OPN3: variants seen among roughly 807,000 people sequenced by gnomAD.
OPN3 encodes the protein opsin 3, also known as opsin-3.
In OPN3, 29 loss-of-function variants were observed where a neutral mutation model predicts 33.8. The ratio of observed to expected loss-of-function variants is 0.86; its 90% confidence interval spans 0.64 to 1.17. The LOEUF is 1.17. Ranked by LOEUF, OPN3 falls within the 50% of genes most tolerant of loss-of-function variation. The pLI is 0.00. For synonymous variants in OPN3, 216 were observed against 216.1 expected (o/e 1.00, Z 0.00); for missense variants, 437 against 514.1 (o/e 0.85, Z 1.45).
rs749456653 is a variant in OPN3, at chr1:241,604,401, G to A, written c.552C>T (p.His184=). 1.6e-5 allele frequency: 26 copies of A among 1,614,036 alleles called. No homozygotes were observed. Among genetic ancestry groups the A allele is most frequent in the African/African-American group, 5.3e-5 (4 of 74,916 alleles). ...TCCAGTCCACAGTGCAGCCTAGTCC[G>A]TGTACGTCCAGGATGTACCTGTTCC... ...LGWNRYILDV[H]GLGCTVDWKS... is the part of the protein sequence containing the mutation. Residue 184 remains histidine (H), a synonymous_variant, in exon 2 of 4, where the codon CAC becomes CAT. Transcript: ENST00000366554.
intron 2 of OPN3, among the ~76,000 whole-genome samples, chr1:241,599,627 C>T (rs996915125): frequency 6.6e-6 from 1 of 152,036 alleles, no homozygotes; most frequent in Non-Finnish European, 1.5e-5. Flanking sequence ...ATTTTCAAAA[C>T]ATCATTTTGG....
intron 1 of OPN3, 24 bp from the exon 2 acceptor site, chr1:241,604,603 G>C: frequency 6.3e-7 from 1 of 1,591,468 alleles, no homozygotes; most frequent in South Asian, 1.1e-5. Context: ...AAGTGGAAAA[G>C]TATAGCATGG....
chr1:241,608,247 T>C (rs1663893567), intron 1 of OPN3, among the ~76,000 whole-genome samples: 1 of 152,198 alleles, frequency 6.6e-6, no homozygotes, highest in South Asian at 2.1e-4. Context: ...TCAATGTACC[T>C]TAGAGAGGAA....
chr1:241,594,651 A>G lies in OPN3; in HGVS notation c.986T>C (p.Leu329Pro), dbSNP rs1238935720. ...GTCTTTAGCAGGCCTCTGGCACCTC[A>G]GCAGTCGGAGGCACAGAAGCTGCAA... ...SLLQLLCLRLLRCQRPAKDLP... is the reference protein window; with the variant it reads ...SLLQLLCLRLPRCQRPAKDLP... Residue 329 changes from leucine (L) to proline (P), a missense_variant, in exon 4 of 4, where the codon CTG (leucine) becomes CCG (proline). Transcript: ENST00000366554. 6.2e-7 allele frequency: 1 copy of G among 1,614,090 alleles called. No homozygotes were observed. Among genetic ancestry groups the G allele is most frequent in the South Asian group, 1.1e-5 (1 of 91,078 alleles).
At chr1:241,596,420 T>C (rs1663511790) in intron 3 of OPN3, among the ~76,000 whole-genome samples, 1 of 152,030 alleles carries the variant, frequency 6.6e-6, no homozygotes, top group Non-Finnish European at 1.5e-5. Flanking sequence ...TTAAAGGAAA[T>C]AGACCAATTG....
intron 1 of OPN3, chr1:241,629,884 C>G (rs1062226): frequency 0.12 from 18,680 of 151,994 alleles, 1,314 homozygotes; most frequent in Non-Finnish European, 0.16. Flanking sequence ...TGCTTAATAG[C>G]ATGTTTTAAG....
chr1:241,635,376 A>C, intron 1 of OPN3: 1 of 1,614,044 alleles, frequency 6.2e-7, no homozygotes, highest in Non-Finnish European at 8.5e-7. Context: ...ACTTCAGTGA[A>C]GGTATTAGAC....
intron 1 of OPN3, among the ~76,000 whole-genome samples, chr1:241,616,821 G>T (rs1470120655): frequency 2.0e-5 from 3 of 152,054 alleles, no homozygotes; most frequent in East Asian, 3.9e-4. Context: ...CAGGTCAGAA[G>T]AATGTAAAAC....
intron 2 of OPN3, among the ~76,000 whole-genome samples, chr1:241,603,057 A>C (rs1190091996): frequency 6.6e-6 from 1 of 152,174 alleles, no homozygotes; most frequent in Non-Finnish European, 1.5e-5. Context: ...AATATGCTAA[A>C]GGGAAAGGGC....
At position 241,639,886 on chromosome 1, in the gene OPN3, G is replaced by T; in HGVS notation, c.369C>A (p.Leu123=). 2 of 1,574,244 alleles carry T rather than the reference G, an allele frequency of 1.3e-6. No individual in the cohort carries two copies. The highest frequency in any genetic ancestry group is 1.7e-6 in the Non-Finnish European group (2 of 1,159,426). ...CCTTCTCCCAGTCCAACTCACCGAA[G>T]AGGCTGCCGCTAAACCCGTCCCACA... is the stretch of plus-strand genomic sequence containing the variant. ...GCVWDGFSGS[L]FGIVSIATLT... The change falls in exon 1 of 4, where the codon CTC becomes CTA. Residue 123 remains leucine (L), a synonymous_variant. Coordinates refer to ENST00000366554, the MANE Select transcript of OPN3 (RefSeq NM_014322.3).
chr1:241,624,086 T>A (rs377428663), intron 1 of OPN3, among the ~76,000 whole-genome samples: 1 of 142,330 alleles, frequency 7.0e-6, no homozygotes, highest in South Asian at 2.3e-4. Context: ...CTCCAGGCAC[T>A]GTGGACCCTC....
chr1:241,615,912 G>A (rs1310252643), intron 1 of OPN3: 2 of 456,690 alleles, frequency 4.4e-6, no homozygotes, highest in Non-Finnish European at 8.8e-6. Context: ...TTCCCTAGTG[G>A]CTGCCTGAAG....
At chr1:241,619,853 G>A (rs1052767578) in intron 1 of OPN3, among the ~76,000 whole-genome samples, 11 of 152,200 alleles carry the variant, frequency 7.2e-5, no homozygotes, top group African/African-American at 2.4e-4. Context: ...TCACCAGGCC[G>A]GTGTGTCTAA....
intron 2 of OPN3, 94 bp downstream of exon 2, chr1:241,604,166 A>T: frequency 8.7e-7 from 1 of 1,146,674 alleles, no homozygotes; most frequent in Non-Finnish European, 1.3e-6. Flanking sequence ...CTGGGCAACT[A>T]CTGATGACAT....
Position 241,634,137 on chromosome 1 carries a change from TAA to T in OPN3, c.373+5743_373+5744del, listed in dbSNP as rs1304859528. The T allele has an allele frequency of 1.9e-6, 3 of 1,613,040 alleles. No homozygotes were observed. The African/African-American group carries it at 4.0e-5, about 22-fold the overall frequency. ...AGAGCCCACAAGAGTCTTGGCTTTG[TAA>T]GTTCTTCCTCGTTTATTTCTGTTTC... On this transcript the variant is annotated intron_variant, in intron 1 of 3. Coordinates refer to ENST00000366554, the MANE Select transcript of OPN3 (RefSeq NM_014322.3).
chr1:241,612,721 C>T lies in OPN3; in HGVS notation c.374-8142G>A, dbSNP rs146798758. 7.7e-4 allele frequency among the ~76,000 whole-genome samples: 118 copies of T among 152,324 alleles called. No homozygotes were observed. The East Asian group carries it at 0.017, about 21-fold the overall frequency. Reference sequence around the variant, plus strand: ...TGTTAAGTTTTCCATTTGAGATATTCTTTCAGGTCCTACGTACCAGTGAAA... The same window carrying T: ...TGTTAAGTTTTCCATTTGAGATATTTTTTCAGGTCCTACGTACCAGTGAAA... On this transcript the variant is annotated intron_variant, in intron 1 of 3. Coordinates refer to ENST00000366554, the MANE Select transcript of OPN3 (RefSeq NM_014322.3).
At chr1:241,638,036 A>G (rs1469041766) in intron 1 of OPN3, among the ~76,000 whole-genome samples, 4 of 152,192 alleles carry the variant, frequency 2.6e-5, no homozygotes, top group African/African-American at 9.7e-5. Flanking sequence ...AGGCAAAGAA[A>G]TCATCTTCGC....
chr1:241,618,612 T>C (rs1362721908), intron 1 of OPN3, among the ~76,000 whole-genome samples: 1 of 152,124 alleles, frequency 6.6e-6, no homozygotes, highest in African/African-American at 2.4e-5. Flanking sequence ...TGGCCCTCTC[T>C]CCTGTCTCTG....
At chr1:241,634,468 A>G (rs1344281305) in intron 1 of OPN3, 1 of 1,613,774 alleles carries the variant, frequency 6.2e-7, no homozygotes, top group East Asian at 2.2e-5. Flanking sequence ...CCACAATAAA[A>G]TATTTAGCAT....
Sources: gnomAD v4.1 joint callset for allele counts (sites outside exome capture counted in the v4.1 genomes callset) on GRCh38, gnomAD v4.1.1 for gene constraint, MANE v1.5 for transcripts, NCBI Gene and HGNC (gene_info 2026-07-23, HGNC 2026-07-21) for gene names.